KDM4C: variants seen among roughly 807,000 people sequenced by gnomAD.
The protein encoded by KDM4C is lysine-specific demethylase 4C.
A neutral mutation model predicts 129.3 loss-of-function variants in KDM4C; 81 were observed. That is an observed-to-expected ratio of 0.63 (90% CI 0.52 to 0.75). KDM4C has a LOEUF of 0.75. KDM4C is among the 30% of genes least tolerant of loss of function. The pLI is 0.00. For missense variants in KDM4C, 1,457 were observed against 1,304.0 expected, an observed-to-expected ratio of 1.12 and a Z score of -1.81; for synonymous variants, 573 against 456.1, an observed-to-expected ratio of 1.26 and a Z score of -3.26.
At chr9:6,766,248 T>C (rs528241027) in intron 1 of KDM4C, among the ~76,000 whole-genome samples, 11 of 152,334 alleles carry the variant, frequency 7.2e-5, no homozygotes, top group Middle Eastern at 6.8e-3. Flanking sequence ...TCTGAGAATT[T>C]GAAATCTGAA....
chr9:7,174,708 G>T lies in KDM4C; in HGVS notation c.3150G>T (p.Lys1050Asn). Residue 1050 changes from lysine to asparagine, a missense_variant, in exon 22 of 22, where the codon AAG (lysine) becomes AAT (asparagine). Transcript: ENST00000381309. Reference protein sequence around the residue: ...YRTFLKSSFQKKCQKRQ With the variant: ...YRTFLKSSFQNKCQKRQ ...CTTTTTTGAAGAGCTCTTTCCAGAA[G>T]AAGTGCCAGAAGAGACAGTAGTCTG... 1 of 1,614,152 alleles carries T rather than the reference G, an allele frequency of 6.2e-7. No homozygotes were observed. Among genetic ancestry groups the T allele is most frequent in the Non-Finnish European group, 8.5e-7 (1 of 1,179,988 alleles).
intron 1 of KDM4C, among the ~76,000 whole-genome samples, chr9:6,761,809 C>G (rs369585807): frequency 5.3e-5 from 8 of 151,916 alleles, no homozygotes; most frequent in African/African-American, 1.9e-4. Context: ...CAACCTCTGT[C>G]TCTTTTTTCT....
chr9:6,838,304 C>G (rs1836254067), intron 4 of KDM4C, among the ~76,000 whole-genome samples: 1 of 152,192 alleles, frequency 6.6e-6, no homozygotes, highest in Non-Finnish European at 1.5e-5. Context: ...TTTGCGCTAT[C>G]TCTCTGCAGT....
chr9:6,934,885 CTT>C (rs146928773), intron 8 of KDM4C, among the ~76,000 whole-genome samples: 1 of 148,454 alleles, frequency 6.7e-6, no homozygotes, highest in Admixed American at 6.7e-5. Context: ...AATAATATTT[CTT>C]TTTTTTTTTA....
At chr9:7,129,480 T>G (rs756950354) in intron 19 of KDM4C, among the ~76,000 whole-genome samples, 4 of 152,224 alleles carry the variant, frequency 2.6e-5, no homozygotes, top group Non-Finnish European at 5.9e-5. Flanking sequence ...CCACTGTTAT[T>G]CATAAACAGC....
At position 6,787,213 on chromosome 9, in the gene KDM4C, A is replaced by G. The variant is rs191975730; in HGVS notation, c.-17-5759A>G. Among the ~76,000 whole-genome samples, 44 of 152,250 alleles carry G rather than the reference A, an allele frequency of 2.9e-4. 1 individual carries two copies. The highest frequency in any genetic ancestry group is 7.2e-4 in the African/African-American group (30 of 41,550). On this transcript the variant is annotated intron_variant, in intron 1 of 21. Transcript: ENST00000381309. Reference sequence around the variant, plus strand: ...ATGTCTTAACAATTTCTGTGCCTCAATTTCTTGTCAGAGCCATTTTTCATT... The same window carrying G: ...ATGTCTTAACAATTTCTGTGCCTCAGTTTCTTGTCAGAGCCATTTTTCATT...
chr9:6,796,113 CT>C (rs1472730937), intron 2 of KDM4C, among the ~76,000 whole-genome samples: 1 of 152,102 alleles, frequency 6.6e-6, no homozygotes, highest in Non-Finnish European at 1.5e-5. Context: ...ATGAGCTATC[CT>C]TAGTTTAACT....
intron 17 of KDM4C, among the ~76,000 whole-genome samples, chr9:7,082,142 G>A (rs1281868004): frequency 1.3e-5 from 2 of 149,040 alleles, no homozygotes; most frequent in Non-Finnish European, 3.0e-5. Flanking sequence ...TGACTTGTTT[G>A]TGTCACTACA....
intron 5 of KDM4C, among the ~76,000 whole-genome samples, chr9:6,869,628 G>C (rs185431927): frequency 2.4e-4 from 37 of 152,346 alleles, no homozygotes; most frequent in African/African-American, 8.9e-4. Flanking sequence ...TTGCCCTTCA[G>C]AATTGCCCCA....
intron 1 of KDM4C, among the ~76,000 whole-genome samples, chr9:6,783,534 C>T (rs566537303): frequency 1.3e-5 from 2 of 152,076 alleles, no homozygotes; most frequent in East Asian, 1.9e-4. Context: ...TGAAATCTCC[C>T]ATAGTGTCTG....
intron 19 of KDM4C, among the ~76,000 whole-genome samples, chr9:7,162,051 C>G (rs1003757593): frequency 2.0e-5 from 3 of 152,196 alleles, no homozygotes; most frequent in African/African-American, 7.2e-5. Context: ...ATTTTACATA[C>G]TAAATAAAGT....
chr9:6,865,030 A>G lies in KDM4C; in HGVS notation c.630-14982A>G, dbSNP rs867390016. Among the ~76,000 whole-genome samples the G allele has an allele frequency of 3.5e-3, 327 of 92,180 alleles. 1 individual carries two copies. The highest frequency in any genetic ancestry group is 0.011 in the African/African-American group (314 of 29,680). 60.5% of individuals were successfully genotyped at this position (92,180 alleles called of 152,430 possible). A position where few individuals can be genotyped will look rare whatever the true frequency, so the allele number is the denominator to read the frequency against. On this transcript the variant is annotated intron_variant, in intron 5 of 21. Coordinates refer to ENST00000381309, the MANE Select transcript of KDM4C (RefSeq NM_015061.6). ...TTTCTTTTTTTTTTTTTTTTGTGAG[A>G]TAGAGTCTTGCTCTATTGCCCAAGC...
At chr9:6,784,429 A>C (rs926257752) in intron 1 of KDM4C, among the ~76,000 whole-genome samples, 5 of 152,094 alleles carry the variant, frequency 3.3e-5, no homozygotes, top group Non-Finnish European at 7.4e-5. Flanking sequence ...ACAGGGTTTC[A>C]CCATGTTGGC....
chr9:7,147,274 T>A (rs2130024715), intron 19 of KDM4C, among the ~76,000 whole-genome samples: 1 of 152,300 alleles, frequency 6.6e-6, no homozygotes, highest in East Asian at 1.9e-4. Context: ...GCGTCCTGGG[T>A]AGGTCAAGCT....
intron 4 of KDM4C, among the ~76,000 whole-genome samples, chr9:6,827,797 C>G (rs1290575051): frequency 6.6e-6 from 1 of 152,214 alleles, no homozygotes; most frequent in Non-Finnish European, 1.5e-5. Context: ...AGGATTGTGA[C>G]TTTCAGGTTT....
intron 19 of KDM4C, among the ~76,000 whole-genome samples, chr9:7,162,144 G>GC (rs1238850408): frequency 1.3e-5 from 2 of 152,192 alleles, no homozygotes; most frequent in African/African-American, 4.8e-5. Context: ...TGAGAATCGT[G>GC]CCCCCTGGTT....
At chr9:6,980,236 C>T (rs762703873) in intron 8 of KDM4C, among the ~76,000 whole-genome samples, 8 of 152,106 alleles carry the variant, frequency 5.3e-5, no homozygotes, top group Non-Finnish European at 1.0e-4. Context: ...AGAAAACTTG[C>T]TTAATAAGAT....
In KDM4C at chr9:7,115,254, C is replaced by T. The variant is rs1043720006; in HGVS notation, c.2610+11384C>T. 2.0e-5 allele frequency among the ~76,000 whole-genome samples: 3 copies of T among 151,954 alleles called. No homozygotes were observed. In the South Asian group the frequency reaches 6.2e-4, roughly 32 times the overall value. On this transcript the variant is annotated intron_variant, in intron 18 of 21. Transcript: ENST00000381309. ...ATAAGGTGTATTTTCATGCAAAATG[C>T]TTGCTTGCTTTTTGCACAGAATTAA...
intron 8 of KDM4C, among the ~76,000 whole-genome samples, chr9:6,929,516 G>A (rs187267603): frequency 6.8e-6 from 1 of 146,316 alleles, no homozygotes; most frequent in African/African-American, 2.6e-5. Flanking sequence ...AGGAAGGACA[G>A]TGTATGTAAA....
Sources: gnomAD v4.1 joint callset for allele counts (sites outside exome capture counted in the v4.1 genomes callset) on GRCh38, gnomAD v4.1.1 for gene constraint, MANE v1.5 for transcripts, NCBI Gene and HGNC (gene_info 2026-07-23, HGNC 2026-07-21) for gene names.